Variants in AKNA observed in about 807,000 individuals in gnomAD.
AKNA encodes the protein AT-hook transcription factor, also known as microtubule organization protein AKNA.
In AKNA, 67 loss-of-function variants were observed where a neutral mutation model predicts 138.8. That is an observed-to-expected ratio of 0.48 (90% confidence interval 0.40 to 0.59). AKNA has a LOEUF of 0.59. AKNA is among the 20% of genes least tolerant of loss of function. AKNA has a pLI of 0.00. For synonymous variants in AKNA, 737 were observed against 754.4 expected, an observed-to-expected ratio of 0.98 and a Z score of 0.38; for missense variants, 1,813 against 1,880.4, an observed-to-expected ratio of 0.96 and a Z score of 0.66.
At position 114,350,842 on chromosome 9, in the gene AKNA, C is replaced by T. The variant is rs1462148869; in HGVS notation, c.3221+17G>A. The T allele has an allele frequency of 6.5e-7, 1 of 1,530,066 alleles. No homozygotes were observed. Among genetic ancestry groups the T allele is most frequent in the South Asian group, 1.3e-5 (1 of 77,992 alleles). 94.8% of individuals were successfully genotyped at this position (1,530,066 alleles called of 1,614,324 possible). A position where few individuals can be genotyped will look rare whatever the true frequency, so the allele number is the denominator to read the frequency against. ...TATGATGAGCTTGAATCCCCAGGAT[C>T]CAAGTGTCTAACTTACTCTCGCCCT... is the stretch of plus-strand genomic sequence containing the variant. On this transcript the variant is annotated intron_variant, in intron 15 of 21. Coordinates refer to ENST00000374088, the MANE Select transcript of AKNA (RefSeq NM_001317950.2).
chr9:114,337,658 T>C (rs892095445), intron 21 of AKNA, among the ~76,000 whole-genome samples: 2 of 152,120 alleles, frequency 1.3e-5, no homozygotes, highest in Non-Finnish European at 2.9e-5. Context: ...TGCAATCTTC[T>C]TGGAGCCGGA....
chr9:114,331,080 G>T (rs1300021809), downstream of AKNA, among the ~76,000 whole-genome samples: 1 of 152,062 alleles, frequency 6.6e-6, no homozygotes, highest in African/African-American at 2.4e-5. Flanking sequence ...GTTTCCCCAA[G>T]GTCACACAGC....
In AKNA at chr9:114,350,982, G is replaced by T; in HGVS notation, c.3098C>A (p.Ser1033Tyr). Residue 1033 changes from serine to tyrosine, a missense_variant, in exon 15 of 22, where the codon TCT becomes TAT. Ser to Tyr is a moderately radical substitution (Grantham distance 144). Coordinates refer to ENST00000374088, the MANE Select transcript of AKNA (RefSeq NM_001317950.2). ...GSEFEGHKRI[S>Y]EQPLPNKTIS... ...TGTCTTGTTGGGAAGGGGCTGTTCA[G>T]AAATCCGTTTGTGCCCCTCAAACTC... 6.2e-7 allele frequency: 1 copy of T among 1,613,812 alleles called. No individual in the cohort carries two copies. Among genetic ancestry groups the T allele is most frequent in the Non-Finnish European group, 8.5e-7 (1 of 1,180,002 alleles).
intron 1 of AKNA, among the ~76,000 whole-genome samples, chr9:114,381,655 GTTTTTTTTTT>G (rs1160552279): frequency 3.6e-5 from 3 of 82,912 alleles, no homozygotes; most frequent in East Asian, 8.3e-4. Context: ...TCTCTCCAGG[GTTTTTTTTTT>G]TTTTTTTTTT....
At chr9:114,373,919 GCAAGGTCACTGCC>G (rs1323799494) in intron 4 of AKNA, among the ~76,000 whole-genome samples, 161 bp downstream of exon 4, 1 of 147,864 alleles carries the variant, frequency 6.8e-6, no homozygotes, top group Non-Finnish European at 1.5e-5. Context: ...CCCAGGGAAG[GCAAGGTCACTGCC>G]CAAGGTCACA....
At chr9:114,377,683 T>C in intron 2 of AKNA, 151 bp from the exon 3 acceptor site, 2 of 788,624 alleles carry the variant, frequency 2.5e-6, no homozygotes, top group South Asian at 1.9e-5. Flanking sequence ...AGCCAAGTGC[T>C]TGTCTGATAC....
chr9:114,383,307 C>A (rs1444634812), intron 1 of AKNA: 2 of 434,572 alleles, frequency 4.6e-6, no homozygotes, highest in East Asian at 1.4e-4. Context: ...CCTCTCATCT[C>A]CTTTTGCCTC....
intron 7 of AKNA, 37 bp downstream of exon 7, chr9:114,364,523 T>C (rs1293889196): frequency 6.2e-7 from 1 of 1,608,676 alleles, no homozygotes; most frequent in Admixed American, 1.7e-5. Flanking sequence ...AGTGGTTGTC[T>C]GGCAGTTCCA....
intron 4 of AKNA, among the ~76,000 whole-genome samples, chr9:114,371,873 T>C (rs1589005562): frequency 6.6e-6 from 1 of 151,718 alleles, no homozygotes; most frequent in Non-Finnish European, 1.5e-5. Context: ...AACTCGTGGG[T>C]TCTGAGCAGA....
At chr9:114,386,658 CCTT>C (rs999124115) in intron 1 of AKNA, among the ~76,000 whole-genome samples, 3 of 152,126 alleles carry the variant, frequency 2.0e-5, no homozygotes, top group Admixed American at 1.3e-4. Flanking sequence ...CTGCACATCT[CCTT>C]CTTACACCCA....
chr9:114,357,965 G>T lies in AKNA; in HGVS notation c.2695C>A (p.Leu899Ile). 6.2e-7 allele frequency: 1 copy of T among 1,601,954 alleles called. No individual in the cohort carries two copies. Among genetic ancestry groups the T allele is most frequent in the Non-Finnish European group, 8.5e-7 (1 of 1,175,574 alleles). Residue 899 changes from leucine (L) to isoleucine (I), a missense_variant, in exon 12 of 22, where the codon CTT becomes ATT. Physicochemically the swap from Leu to Ile is conservative, Grantham distance 5. Transcript: ENST00000374088. Reference sequence around the variant, plus strand: ...CCTCGGTGCAAAGGCTTCTGTGGAAGGCGCTCAGAGATGCCGCTTCCCTCC... The same window carrying T: ...CCTCGGTGCAAAGGCTTCTGTGGAATGCGCTCAGAGATGCCGCTTCCCTCC... ...SLEGSGISER[L>I]PQKPLHRGGG... is the part of the protein sequence containing the mutation.
chr9:114,343,590 C>T (rs970016996), intron 19 of AKNA, 118 bp downstream of exon 19: 3 of 1,034,378 alleles, frequency 2.9e-6, no homozygotes, highest in African/African-American at 3.2e-5. Context: ...CCTGGTCTGT[C>T]CCTATAACCC....
intron 4 of AKNA, among the ~76,000 whole-genome samples, chr9:114,370,414 A>G (rs1329679882): frequency 1.3e-5 from 2 of 152,092 alleles, no homozygotes; most frequent in South Asian, 2.1e-4. Context: ...GTGACAGGGA[A>G]TGGGGATGGG....
chr9:114,360,148 G>T, intron 9 of AKNA, 86 bp from the exon 10 acceptor site: 1 of 1,557,258 alleles, frequency 6.4e-7, no homozygotes, highest in Non-Finnish European at 8.8e-7. Flanking sequence ...GGCTCGAGCT[G>T]TGGGCTGCGG....
At chr9:114,367,238 A>G (rs572385116) in intron 6 of AKNA, among the ~76,000 whole-genome samples, 1 of 152,264 alleles carries the variant, frequency 6.6e-6, no homozygotes, top group Admixed American at 6.5e-5. Flanking sequence ...AGAATCCTGA[A>G]AGAGCTCAGA....
intron 1 of AKNA, among the ~76,000 whole-genome samples, chr9:114,383,963 A>G (rs879565532): frequency 4.6e-5 from 7 of 151,970 alleles, no homozygotes; most frequent in African/African-American, 7.3e-5. Context: ...CCTCCAGATC[A>G]CCCTGTGTAT....
At chr9:114,357,627 C>T (rs1447287367) in intron 12 of AKNA, among the ~76,000 whole-genome samples, 1 of 152,178 alleles carries the variant, frequency 6.6e-6, no homozygotes, top group African/African-American at 2.4e-5. Context: ...GCAGTGATGT[C>T]TACTCTAAAG....
chr9:114,357,335 A>G (rs1051610169), intron 12 of AKNA, among the ~76,000 whole-genome samples: 7 of 152,222 alleles, frequency 4.6e-5, no homozygotes, highest in African/African-American at 1.7e-4. Context: ...CTTATCTGAC[A>G]GTGGAAATGC....
chr9:114,338,130 G>T (rs773798549), intron 21 of AKNA, among the ~76,000 whole-genome samples: 1 of 152,192 alleles, frequency 6.6e-6, no homozygotes, highest in Non-Finnish European at 1.5e-5. Context: ...TTAGGAGGAC[G>T]CAGCAGAGTC....
Sources: allele counts gnomAD v4.1 joint callset (sites outside exome capture counted in the v4.1 genomes callset), GRCh38; gene constraint gnomAD v4.1.1; transcripts MANE v1.5; gene names NCBI Gene and HGNC (gene_info 2026-07-23, HGNC 2026-07-21).